The following KATNIP variants were observed in gnomAD, a reference collection of about 807,000 sequenced individuals.
KATNIP encodes the protein katanin interacting protein, also known as katanin-interacting protein.
In KATNIP, 126 loss-of-function variants were observed where a neutral mutation model predicts 174.0. The observed-to-expected ratio is 0.72, with a 90% confidence interval of 0.63 to 0.84. The LOEUF (loss-of-function observed/expected upper bound fraction) is 0.84. KATNIP is among the 40% of genes least tolerant of loss of function. The pLI is 0.00. For missense variants in KATNIP, 1,958 were observed against 2,109.7 expected (o/e 0.93, Z 1.41); for synonymous variants, 810 against 835.7 (o/e 0.97, Z 0.53).
At chr16:27,696,343 TA>T (rs540285233) in intron 8 of KATNIP, among the ~76,000 whole-genome samples, 43 of 152,382 alleles carry the variant, frequency 2.8e-4, no homozygotes, top group African/African-American at 4.8e-4. Context: ...TTTTTATTTT[TA>T]TTTTTTTAAC....
chr16:27,584,353 C>T (rs923526566), intron 2 of KATNIP, among the ~76,000 whole-genome samples: 4 of 151,784 alleles, frequency 2.6e-5, no homozygotes, highest in African/African-American at 7.3e-5. Flanking sequence ...GTCAACCCTA[C>T]GTAAAGCACA....
chr16:27,648,671 A>T lies in KATNIP; in HGVS notation c.476A>T (p.Asp159Val). The T allele has an allele frequency of 6.2e-7, 1 of 1,614,120 alleles. No homozygotes were observed. Among genetic ancestry groups the T allele is most frequent in the Non-Finnish European group, 8.5e-7 (1 of 1,180,026 alleles). The stretch of plus-strand genomic sequence containing the variant: ...ATCGAACCTCCTGTGGACTATTCTG[A>T]TGATTTTGAGCTGTGTGGGGATGTG... ...LHIEPPVDYS[D>V]DFELCGDVTL... The change falls in exon 6 of 28, where the codon GAT becomes GTT. Residue 159 changes from aspartate to valine, a missense_variant. This residue lies in a region of KATNIP where 1,557 missense variants were observed against 1,617.8 expected (regional missense o/e 0.96). Coordinates refer to ENST00000261588, the MANE Select transcript of KATNIP (RefSeq NM_015202.5).
intron 6 of KATNIP, among the ~76,000 whole-genome samples, chr16:27,661,407 T>C (rs923231800): frequency 6.6e-6 from 1 of 152,160 alleles, no homozygotes; most frequent in Non-Finnish European, 1.5e-5. Flanking sequence ...TTTTCTTTTT[T>C]TTGAAACAGA....
intron 1 of KATNIP, among the ~76,000 whole-genome samples, chr16:27,566,256 C>T (rs939654622): frequency 5.9e-5 from 9 of 152,222 alleles, no homozygotes; most frequent in Middle Eastern, 3.4e-3. Flanking sequence ...TTCAGGAAGC[C>T]GGCCAGGCGT....
intron 16 of KATNIP, among the ~76,000 whole-genome samples, chr16:27,750,942 G>A (rs930439994): frequency 2.6e-5 from 4 of 151,588 alleles, no homozygotes; most frequent in Non-Finnish European, 5.9e-5. Flanking sequence ...TACCCAGGCT[G>A]GTCTCGAACT....
intron 1 of KATNIP, among the ~76,000 whole-genome samples, chr16:27,566,982 T>C (rs548285497): frequency 3.2e-4 from 49 of 152,348 alleles, no homozygotes; most frequent in Middle Eastern, 3.4e-3. Flanking sequence ...AGGTCACCAA[T>C]AGCCTATTGG....
intron 5 of KATNIP, 74 bp from the exon 6 acceptor site, chr16:27,648,530 G>A (rs965954764): frequency 6.4e-7 from 1 of 1,574,562 alleles, no homozygotes; most frequent in African/African-American, 1.3e-5. Flanking sequence ...AACCTCTCCA[G>A]TGCCAGTCCC....
At chr16:27,769,463 T>C (rs1026715019) in intron 20 of KATNIP, among the ~76,000 whole-genome samples, 1 of 152,214 alleles carries the variant, frequency 6.6e-6, no homozygotes, top group African/African-American at 2.4e-5. Context: ...CCGTGCCCAT[T>C]TAACAGATGA....
At chr16:27,677,623 T>A in intron 6 of KATNIP, 106 bp from the exon 7 acceptor site, 1 of 1,169,894 alleles carries the variant, frequency 8.5e-7, no homozygotes, top group Non-Finnish European at 1.2e-6. Flanking sequence ...TATTGTTAAA[T>A]GTTAGTTTGG....
chr16:27,733,046 A>G (rs1277565905), intron 14 of KATNIP, among the ~76,000 whole-genome samples: 1 of 152,194 alleles, frequency 6.6e-6, no homozygotes, highest in Non-Finnish European at 1.5e-5. Flanking sequence ...CCACCTTGGC[A>G]TGTGGTTTTT....
intron 2 of KATNIP, among the ~76,000 whole-genome samples, chr16:27,584,255 AG>A (rs979523611): frequency 2.0e-5 from 3 of 151,792 alleles, no homozygotes; most frequent in African/African-American, 7.3e-5. Context: ...GCGCTCTCCA[AG>A]GCTAACTCTT....
chr16:27,702,318 C>T (rs945118898), intron 11 of KATNIP, among the ~76,000 whole-genome samples: 10 of 152,182 alleles, frequency 6.6e-5, no homozygotes, highest in Admixed American at 2.0e-4. Flanking sequence ...CAGCGTCCTT[C>T]GAAGCTCCTT....
chr16:27,624,263 G>C (rs2076271378), intron 3 of KATNIP, among the ~76,000 whole-genome samples: 1 of 152,050 alleles, frequency 6.6e-6, no homozygotes, highest in African/African-American at 2.4e-5. Flanking sequence ...CCCTGCCCCG[G>C]TGGCCCACGA....
intron 2 of KATNIP, among the ~76,000 whole-genome samples, chr16:27,616,785 C>T (rs1054839989): frequency 1.4e-5 from 2 of 147,232 alleles, no homozygotes. Flanking sequence ...TGCAGTGGCT[C>T]ATGCCTGTAA....
rs1008614878 is a variant in KATNIP, at chr16:27,703,921, C to T, written c.1312C>T (p.Leu438Phe). 1 of 1,614,204 alleles carries T rather than the reference C, an allele frequency of 6.2e-7. No homozygotes were observed. The highest frequency in any genetic ancestry group is 1.7e-5 in the Admixed American group (1 of 60,030). Reference protein sequence around the residue: ...SRQQQKLLKVLQAVESDSAHL... With the variant: ...SRQQQKLLKVFQAVESDSAHL... Reference sequence around the variant, plus strand: ...ACAACAGCAGAAGCTTCTGAAAGTCCTCCAGGCCGTCGAAAGTGACTCTGC... The same window carrying T: ...ACAACAGCAGAAGCTTCTGAAAGTCTTCCAGGCCGTCGAAAGTGACTCTGC... The change falls in exon 12 of 28, where the codon CTC becomes TTC. Residue 438 changes from leucine to phenylalanine, a missense_variant. This residue lies in a region of KATNIP where 1,557 missense variants were observed against 1,617.8 expected (regional missense o/e 0.96). Transcript: ENST00000261588.
intron 18 of KATNIP, chr16:27,754,969 C>G (rs903269628): frequency 6.6e-6 from 1 of 152,424 alleles, no homozygotes; most frequent in African/African-American, 2.4e-5. Context: ...CAGCCAGTTC[C>G]TCTCTTCATC....
chr16:27,744,921 T>TA (rs1261589472), intron 15 of KATNIP, among the ~76,000 whole-genome samples: 3 of 151,534 alleles, frequency 2.0e-5, no homozygotes, highest in Admixed American at 1.3e-4. Flanking sequence ...TCTCAGAAAA[T>TA]AAAATCATAA....
rs377307098 is a variant in KATNIP, at chr16:27,754,278, G to C, written c.3631+27G>C. 5 of 1,598,324 alleles carry C rather than the reference G, an allele frequency of 3.1e-6. No individual in the cohort carries two copies. The African/African-American group carries it at 6.7e-5, about 21-fold the overall frequency. On this transcript the variant is annotated intron_variant, in intron 18 of 27. Coordinates refer to ENST00000261588, the MANE Select transcript of KATNIP (RefSeq NM_015202.5). ...TGAGTAGCTCTCCTGGAGCAGTGTTGGGTGGAAGGAGGACCTTCCAGGGAC... is the reference window on the plus strand; with the variant it reads ...TGAGTAGCTCTCCTGGAGCAGTGTTCGGTGGAAGGAGGACCTTCCAGGGAC...
intron 1 of KATNIP, among the ~76,000 whole-genome samples, chr16:27,553,161 TG>T (rs1279698491): frequency 1.3e-5 from 2 of 152,250 alleles, no homozygotes; most frequent in African/African-American, 4.8e-5. Flanking sequence ...TAGAAAATGT[TG>T]GTTCAGTGAG....
Sources: allele counts gnomAD v4.1 joint callset (sites outside exome capture counted in the v4.1 genomes callset), GRCh38; gene constraint gnomAD v4.1.1; regional missense constraint gnomAD v4.1.1; transcripts MANE v1.5; gene names NCBI Gene and HGNC (gene_info 2026-07-23, HGNC 2026-07-21).